UTRN: variants seen among roughly 807,000 people sequenced by gnomAD.
UTRN encodes utrophin, also known as dystrophin-related protein 1.
A neutral mutation model predicts 463.9 loss-of-function variants in UTRN; 283 were observed. That is an observed-to-expected ratio of 0.61 (90% CI 0.55 to 0.67). UTRN has a LOEUF of 0.67. Among genes scored for constraint, UTRN ranks in the 30% least tolerant of loss-of-function variants. The pLI is 0.00. For missense variants in UTRN, 3,922 were observed against 4,084.3 expected (o/e 0.96, Z 1.08); for synonymous variants, 1,442 against 1,431.5 (o/e 1.01, Z -0.17).
At chr6:144,611,356 G>T (rs1199738673) in intron 51 of UTRN, among the ~76,000 whole-genome samples, 1 of 152,200 alleles carries the variant, frequency 6.6e-6, no homozygotes, top group Non-Finnish European at 1.5e-5. Flanking sequence ...AGTACTGGAA[G>T]TCCTAGCCAG....
chr6:144,325,280 T>G (rs563074145), intron 2 of UTRN, among the ~76,000 whole-genome samples: 1 of 152,360 alleles, frequency 6.6e-6, no homozygotes, highest in South Asian at 2.1e-4. Context: ...CTCTGCTCTC[T>G]TTCTTGAATG....
chr6:144,467,962 T>C (rs1790124164), intron 23 of UTRN, among the ~76,000 whole-genome samples: 1 of 152,114 alleles, frequency 6.6e-6, no homozygotes, highest in Non-Finnish European at 1.5e-5. Context: ...TTGAGTATTA[T>C]AAAGTGAAAC....
At chr6:144,387,692 C>T (rs1781535113) in intron 2 of UTRN, among the ~76,000 whole-genome samples, 1 of 152,094 alleles carries the variant, frequency 6.6e-6, no homozygotes, top group Admixed American at 6.5e-5. Flanking sequence ...CAATGTAAAC[C>T]GGCAAGTTTC....
At chr6:144,527,469 T>G (rs1486762152) in intron 41 of UTRN, among the ~76,000 whole-genome samples, 1 of 152,270 alleles carries the variant, frequency 6.6e-6, no homozygotes, top group Non-Finnish European at 1.5e-5. Context: ...GATGACCATG[T>G]GCCTAGGCAA....
chr6:144,754,320 T>A (rs1562865697), intron 56 of UTRN, among the ~76,000 whole-genome samples: 1 of 152,184 alleles, frequency 6.6e-6, no homozygotes, highest in Non-Finnish European at 1.5e-5. Flanking sequence ...AGGGCACAGA[T>A]TCTGGCACTG....
intron 50 of UTRN, among the ~76,000 whole-genome samples, chr6:144,559,426 G>C (rs1235091168): frequency 1.3e-5 from 2 of 152,070 alleles, no homozygotes; most frequent in Non-Finnish European, 2.9e-5. Flanking sequence ...ATGATAACTA[G>C]GGCTTCTATA....
chr6:144,534,571 A>C (rs929746294), intron 43 of UTRN, among the ~76,000 whole-genome samples: 2 of 152,198 alleles, frequency 1.3e-5, no homozygotes, highest in African/African-American at 4.8e-5. Context: ...AAACACTTAA[A>C]GTATCTATTT....
chr6:144,478,719 C>G (rs553021051), intron 25 of UTRN, among the ~76,000 whole-genome samples: 11 of 152,274 alleles, frequency 7.2e-5, no homozygotes, highest in Non-Finnish European at 1.0e-4. Context: ...CCAAGCAGGC[C>G]CTGGCAGGGT....
At chr6:144,794,388 T>A (rs921218837) in intron 63 of UTRN, among the ~76,000 whole-genome samples, 1 of 152,174 alleles carries the variant, frequency 6.6e-6, no homozygotes, top group East Asian at 1.9e-4. Flanking sequence ...CATTGCCCAC[T>A]ACCTCCCTTC....
At chr6:144,439,519 G>A (rs746911879) in intron 12 of UTRN, among the ~76,000 whole-genome samples, 69 of 151,984 alleles carry the variant, frequency 4.5e-4, no homozygotes, top group African/African-American at 1.6e-3. Flanking sequence ...TTGAGATGGA[G>A]TCTTGCTCTG....
At chr6:144,706,870 G>T (rs1384933628) in intron 53 of UTRN, 2 of 152,050 alleles carry the variant, frequency 1.3e-5, no homozygotes, top group African/African-American at 4.8e-5. Context: ...TGAAAACCCA[G>T]TGTATTTTCT....
rs1055688040 is a variant in UTRN, at chr6:144,821,119, T to C, written c.9494+101T>C. 5 of 1,356,332 alleles carry C rather than the reference T, an allele frequency of 3.7e-6. No individual in the cohort carries two copies. The Admixed American group carries it at 1.1e-4, about 28-fold the overall frequency. The allele number at this position is 1,356,332 out of a possible 1,614,324, so 84.0% of individuals were successfully genotyped here. ...GAGAAATTGTTTAATACCAACTGCA[T>C]TTTAGAGGAGGTAAATTAAACTTGG... On this transcript the variant is annotated intron_variant, in intron 66 of 74. Transcript: ENST00000367545.
intron 9 of UTRN, among the ~76,000 whole-genome samples, chr6:144,433,292 G>A (rs1178996686): frequency 4.1e-5 from 6 of 148,024 alleles, no homozygotes; most frequent in African/African-American, 1.2e-4. Context: ...CCTCCCGGAC[G>A]GGGCGGCTGG....
At chr6:144,409,730 A>G (rs1783716167) in intron 3 of UTRN, among the ~76,000 whole-genome samples, 1 of 152,164 alleles carries the variant, frequency 6.6e-6, no homozygotes, top group South Asian at 2.1e-4. Flanking sequence ...ACAGGTAACC[A>G]TCCACCAGCC....
In UTRN at chr6:144,319,112, ATTAAAG is replaced by A. The variant is rs146275343; in HGVS notation, c.79+27210_79+27215del. 8.2e-3 allele frequency among the ~76,000 whole-genome samples: 1,252 copies of A among 151,788 alleles called. 19 individuals carry two copies. The highest frequency in any genetic ancestry group is 0.029 in the African/African-American group (1,188 of 41,150). On this transcript the variant is annotated intron_variant, in intron 2 of 74. Transcript: ENST00000367545. Reference sequence around the variant, plus strand: ...ATAAATTTGCTTAAAATTTTTTTGAATTAAAGTTAATTTTTATAATATTTAGTTAGG... The same window carrying A: ...ATAAATTTGCTTAAAATTTTTTTGAATTAATTTTTATAATATTTAGTTAGG...
chr6:144,775,114 T>C (rs1775205753), intron 60 of UTRN, among the ~76,000 whole-genome samples: 1 of 152,238 alleles, frequency 6.6e-6, no homozygotes, highest in Non-Finnish European at 1.5e-5. Context: ...GTTTCAAGTA[T>C]TCTTCTTTGC....
chr6:144,337,558 GC>G (rs1776830663), intron 2 of UTRN, among the ~76,000 whole-genome samples: 2 of 152,118 alleles, frequency 1.3e-5, no homozygotes, highest in Non-Finnish European at 2.9e-5. Context: ...TTTATTGGCA[GC>G]TATTTAAGAT....
intron 51 of UTRN, among the ~76,000 whole-genome samples, chr6:144,579,847 A>ATATG (rs1801794073): frequency 6.6e-6 from 1 of 152,188 alleles, no homozygotes; most frequent in African/African-American, 2.4e-5. Context: ...TTAAAGATAA[A>ATATG]TATGTACATT....
intron 65 of UTRN, among the ~76,000 whole-genome samples, chr6:144,812,869 AATTG>A (rs553280001): frequency 1.3e-3 from 197 of 152,278 alleles, no homozygotes; most frequent in Non-Finnish European, 2.4e-3. Flanking sequence ...ACAAGTAAAA[AATTG>A]ATTAATTCTT....
Sources: gnomAD v4.1 joint callset for allele counts (sites outside exome capture counted in the v4.1 genomes callset) on GRCh38, gnomAD v4.1.1 for gene constraint, MANE v1.5 for transcripts, NCBI Gene and HGNC (gene_info 2026-07-23, HGNC 2026-07-21) for gene names.